ARHGEF37: variants seen among roughly 807,000 people sequenced by gnomAD.
ARHGEF37 encodes Rho guanine nucleotide exchange factor (GEF) 37.
A neutral mutation model predicts 71.1 loss-of-function variants in ARHGEF37; 55 were observed. The observed-to-expected ratio is 0.77, with a 90% confidence interval of 0.62 to 0.97. The LOEUF (loss-of-function observed/expected upper bound fraction) is 0.97, where lower values mean the gene tolerates loss of function less well. Among genes scored for constraint, ARHGEF37 ranks in the 50% least tolerant of loss-of-function variants. The pLI is 0.00. For synonymous variants in ARHGEF37, 327 were observed against 350.6 expected, an observed-to-expected ratio of 0.93 and a Z score of 0.75; for missense variants, 765 against 836.8, an observed-to-expected ratio of 0.91 and a Z score of 1.06.
intron 1 of ARHGEF37, among the ~76,000 whole-genome samples, chr5:149,581,887 T>G (rs1453604116): frequency 6.6e-6 from 1 of 152,192 alleles, no homozygotes; most frequent in Non-Finnish European, 1.5e-5. Flanking sequence ...TGGAAAAACA[T>G]TATTATTCTT....
At position 149,625,217 on chromosome 5, in the gene ARHGEF37, T is replaced by A. The variant is rs148653749; in HGVS notation, c.1464+1077T>A. Among the ~76,000 whole-genome samples the A allele has an allele frequency of 3.9e-5, 6 of 152,106 alleles. No individual in the cohort carries two copies. In the South Asian group the frequency reaches 1.2e-3, roughly 32 times the overall value. ...ACCACACCTGGCCCCAAATGCTTTT[T>A]AAAAAATGTATTTTCCTTTAAAATA... On this transcript the variant is annotated intron_variant, in intron 10 of 12. Transcript: ENST00000333677.
intron 1 of ARHGEF37, among the ~76,000 whole-genome samples, chr5:149,591,498 C>T (rs1041644980): frequency 6.6e-6 from 1 of 152,350 alleles, no homozygotes; most frequent in East Asian, 1.9e-4. Flanking sequence ...ATCCTCCCTC[C>T]TCAGCTTCCT....
At chr5:149,627,552 G>A (rs1446939886) in intron 11 of ARHGEF37, among the ~76,000 whole-genome samples, 1 of 152,264 alleles carries the variant, frequency 6.6e-6, no homozygotes, top group African/African-American at 2.4e-5. Context: ...GCCCCTGCCT[G>A]GAGGGCCTTG....
chr5:149,618,699 CT>C (rs1467996240), intron 6 of ARHGEF37, among the ~76,000 whole-genome samples: 1 of 152,234 alleles, frequency 6.6e-6, no homozygotes, highest in Non-Finnish European at 1.5e-5. Flanking sequence ...GGGTAAAACC[CT>C]TGTCCAGAGT....
chr5:149,583,960 A>C (rs368370754), intron 1 of ARHGEF37, among the ~76,000 whole-genome samples: 1 of 152,042 alleles, frequency 6.6e-6, no homozygotes, highest in Non-Finnish European at 1.5e-5. Flanking sequence ...GGGTCTTGCT[A>C]TATTGCCCAC....
intron 4 of ARHGEF37, among the ~76,000 whole-genome samples, chr5:149,615,784 C>T (rs543497717): frequency 2.0e-5 from 3 of 152,058 alleles, no homozygotes; most frequent in African/African-American, 7.2e-5. Context: ...CCCAGCTACT[C>T]GGGAGGCTGA....
chr5:149,579,892 G>A (rs1174931397), upstream of ARHGEF37, among the ~76,000 whole-genome samples: 1 of 151,918 alleles, frequency 6.6e-6, no homozygotes, highest in Non-Finnish European at 1.5e-5. Context: ...GCCAACTGAT[G>A]TTATTTTTGA....
rs1317758076 is a variant in ARHGEF37, at chr5:149,623,951, A to G, written c.1336-61A>G. On this transcript the variant is annotated intron_variant, in intron 9 of 12. Coordinates refer to ENST00000333677, the MANE Select transcript of ARHGEF37 (RefSeq NM_001001669.3). ...TTGAAAATAATATAAACCCAAAGCA[A>G]GCCAGGGATCTCATTGTCCCCTCTT... is the stretch of plus-strand genomic sequence containing the variant. 1.0e-5 allele frequency: 16 copies of G among 1,531,382 alleles called. No individual in the cohort carries two copies. The Admixed American group carries it at 3.1e-4, about 30-fold the overall frequency. The allele number at this position is 1,531,382 out of a possible 1,614,324, so 94.9% of individuals were successfully genotyped here.
At chr5:149,572,007 C>T (rs1167924267) in intron 1 of ARHGEF37, among the ~76,000 whole-genome samples, 1 of 148,574 alleles carries the variant, frequency 6.7e-6, no homozygotes, top group Non-Finnish European at 1.5e-5. Flanking sequence ...AAAATAAGAA[C>T]AAACTTGGAG....
chr5:149,568,246 T>G (rs530539201), intron 1 of ARHGEF37, among the ~76,000 whole-genome samples: 1 of 152,060 alleles, frequency 6.6e-6, no homozygotes, highest in Non-Finnish European at 1.5e-5. Context: ...AGGTTGGTCT[T>G]GAACTCCTGT....
At chr5:149,597,267 A>T (rs2400886) in intron 1 of ARHGEF37, among the ~76,000 whole-genome samples, 36,649 of 150,276 alleles carry the variant, frequency 0.24, 5,339 homozygotes, top group Admixed American at 0.41. Context: ...TATTAAAAAA[A>T]AATTTTTTTT....
intron 3 of ARHGEF37, among the ~76,000 whole-genome samples, chr5:149,605,511 C>T (rs79315610): frequency 0.01 from 1,557 of 152,288 alleles, 35 homozygotes; most frequent in African/African-American, 0.035. Context: ...CCAATAGCCA[C>T]GTGTGGCTGG....
chr5:149,584,614 T>C (rs1763185373), intron 1 of ARHGEF37, among the ~76,000 whole-genome samples: 1 of 151,538 alleles, frequency 6.6e-6, no homozygotes, highest in African/African-American at 2.4e-5. Flanking sequence ...TTCTTTTTCT[T>C]TTTTTTTTCT....
chr5:149,590,523 G>A (rs1763373574), intron 1 of ARHGEF37, among the ~76,000 whole-genome samples: 1 of 151,380 alleles, frequency 6.6e-6, no homozygotes, highest in African/African-American at 2.4e-5. Context: ...CTCGTGATTG[G>A]CCCACCTTGG....
rs71587782 is a variant in ARHGEF37, at chr5:149,598,263, C to CTCCTCTTCTTCTTCTTCT, written c.186+310_186+311insCTCTTCTTCTTCTTCTTC. ...GTTTGGAACAGATTGCTTAAACTGA[C>CTCCTCTTCTTCTTCTTCT]TCTTCTTCTTCTTCTTCTTCTTCTT... is the stretch of plus-strand genomic sequence containing the variant. On this transcript the variant is annotated intron_variant, in intron 2 of 12. Coordinates refer to ENST00000333677, the MANE Select transcript of ARHGEF37 (RefSeq NM_001001669.3). 1.3e-3 allele frequency among the ~76,000 whole-genome samples: 90 copies of CTCCTCTTCTTCTTCTTCT among 67,752 alleles called. 1 individual carries two copies. Among genetic ancestry groups the CTCCTCTTCTTCTTCTTCT allele is most frequent in the Admixed American group, 3.6e-3 (20 of 5,538 alleles). The allele number at this position is 67,752 out of a possible 152,430, so 44.4% of individuals were successfully genotyped here. A position where few individuals can be genotyped will look rare whatever the true frequency, so the allele number is the denominator to read the frequency against.
At chr5:149,566,481 G>C (rs543218003) in intron 1 of ARHGEF37, among the ~76,000 whole-genome samples, 4 of 152,042 alleles carry the variant, frequency 2.6e-5, no homozygotes, top group South Asian at 2.1e-4. Flanking sequence ...CTGGGTGACA[G>C]AGCGAGACTG....
At chr5:149,582,178 G>A (rs1248958121) in intron 1 of ARHGEF37, among the ~76,000 whole-genome samples, 1 of 152,252 alleles carries the variant, frequency 6.6e-6, no homozygotes, top group South Asian at 2.1e-4. Context: ...CAGTGGGGAA[G>A]CAGACAGCCT....
chr5:149,577,847 C>T (rs1763043585), upstream of ARHGEF37, among the ~76,000 whole-genome samples: 1 of 152,134 alleles, frequency 6.6e-6, no homozygotes, highest in African/African-American at 2.4e-5. Context: ...AGCCAAAAGG[C>T]CTTGGTATCA....
chr5:149,620,280 TG>T, intron 7 of ARHGEF37, 73 bp from the exon 8 acceptor site: 1 of 1,089,396 alleles, frequency 9.2e-7, no homozygotes, highest in Non-Finnish European at 1.3e-6. Flanking sequence ...CTTCAAGGTA[TG>T]GTGGAAGGGG....
Sources: allele counts gnomAD v4.1 joint callset (sites outside exome capture counted in the v4.1 genomes callset), GRCh38; gene constraint gnomAD v4.1.1; transcripts MANE v1.5; gene names NCBI Gene and HGNC (gene_info 2026-07-23, HGNC 2026-07-21).